Variants in RMST observed in about 807,000 individuals in gnomAD.
RMST encodes rhabdomyosarcoma 2 associated transcript, also known as long intergenic non-protein coding RNA 54.
intron 11 of RMST, among the ~76,000 whole-genome samples, chr12:97,535,623 G>A (rs903144353): frequency 4.0e-5 from 6 of 151,600 alleles, no homozygotes; most frequent in Non-Finnish European, 5.9e-5. Context: ...AGCTGGTGAA[G>A]CCTTTCCTTC....
intron 5 of RMST, among the ~76,000 whole-genome samples, chr12:97,474,600 A>C (rs1874310298): frequency 6.8e-6 from 1 of 146,992 alleles, no homozygotes; most frequent in Non-Finnish European, 1.5e-5. Flanking sequence ...ATTAAGACAC[A>C]CACAATTTGA....
chr12:97,563,352 A>G, intron 13 of RMST: 1 of 195,156 alleles, frequency 5.1e-6, no homozygotes. Context: ...AACAGGTACT[A>G]AGATCCCGAC....
At chr12:97,519,385 A>G (rs896037350) in intron 10 of RMST, among the ~76,000 whole-genome samples, 1 of 152,194 alleles carries the variant, frequency 6.6e-6, no homozygotes, top group African/African-American at 2.4e-5. Flanking sequence ...TTTCATTGCT[A>G]TCTCTTCAAA....
At chr12:97,518,657 A>G (rs779996937) in intron 10 of RMST, among the ~76,000 whole-genome samples, 25 of 152,088 alleles carry the variant, frequency 1.6e-4, no homozygotes, top group Admixed American at 5.2e-4. Flanking sequence ...TTCCCTCTCA[A>G]GTTCTCTCAG....
chr12:97,512,913 G>T (rs4554941), intron 10 of RMST, among the ~76,000 whole-genome samples: 19,680 of 152,246 alleles, frequency 0.13, 2,100 homozygotes, highest in African/African-American at 0.27. Flanking sequence ...GCAGGCTGCA[G>T]GTCGGGAGCC....
intron 5 of RMST, among the ~76,000 whole-genome samples, chr12:97,482,753 A>ATTT (rs1875550030): frequency 2.4e-5 from 1 of 41,196 alleles, no homozygotes; most frequent in Non-Finnish European, 7.0e-5. Context: ...TTTATTTATT[A>ATTT]AATAAATTTA....
At chr12:97,497,277 T>C (rs1877533088) in intron 10 of RMST, among the ~76,000 whole-genome samples, 1 of 152,212 alleles carries the variant, frequency 6.6e-6, no homozygotes, top group African/African-American at 2.4e-5. Context: ...TAGAATCTTT[T>C]CAAGGGCTTG....
At position 97,540,215 on chromosome 12, in the gene RMST, G is replaced by C. The variant is rs1313030206; in HGVS notation, n.1545+9356G>C. Among the ~76,000 whole-genome samples, 6 of 151,736 alleles carry C rather than the reference G, an allele frequency of 4.0e-5. No homozygotes were observed. In the East Asian group the frequency reaches 7.8e-4, roughly 20 times the overall value. ...GTTGTAGTGGTGTGCACACAGTAGGGACACTTGAAGTCTAAGAGAGTGAAC... is the reference window on the plus strand; with the variant it reads ...GTTGTAGTGGTGTGCACACAGTAGGCACACTTGAAGTCTAAGAGAGTGAAC... On this transcript the variant is annotated intron_variant and non_coding_transcript_variant, in intron 11 of 13. Transcript: ENST00000640149.
At chr12:97,496,879 A>G (rs192116396) in intron 10 of RMST, among the ~76,000 whole-genome samples, 1 of 152,336 alleles carries the variant, frequency 6.6e-6, no homozygotes, top group African/African-American at 2.4e-5. Context: ...TCACTCTGTA[A>G]GAGTCATCTT....
chr12:97,533,016 A>C (rs1416585902), intron 11 of RMST: 1 of 151,834 alleles, frequency 6.6e-6, no homozygotes, highest in Non-Finnish European at 1.5e-5. Context: ...TCCTATTTTA[A>C]TTTTCATTTT....
intron 5 of RMST, among the ~76,000 whole-genome samples, chr12:97,478,255 C>G (rs1346253610): frequency 6.6e-6 from 1 of 152,150 alleles, no homozygotes; most frequent in Admixed American, 6.5e-5. Context: ...AAGATGTACA[C>G]CATAATTTTA....
intron 11 of RMST, among the ~76,000 whole-genome samples, chr12:97,539,079 T>C (rs1287794319): frequency 6.6e-6 from 1 of 151,560 alleles, no homozygotes; most frequent in Admixed American, 6.6e-5. Flanking sequence ...ATTTGCTGTC[T>C]AATCAATGAA....
At chr12:97,516,715 T>C (rs1879974569) in intron 10 of RMST, among the ~76,000 whole-genome samples, 1 of 151,900 alleles carries the variant, frequency 6.6e-6, no homozygotes, top group Non-Finnish European at 1.5e-5. Flanking sequence ...CTTTTCTGAC[T>C]CAAAAGATTT....
intron 11 of RMST, among the ~76,000 whole-genome samples, chr12:97,541,615 G>C (rs1882529309): frequency 6.6e-6 from 1 of 151,106 alleles, no homozygotes; most frequent in South Asian, 2.1e-4. Flanking sequence ...AGAAAAGCTG[G>C]AACCAGGAAC....
At chr12:97,545,487 C>A (rs565979054) in intron 11 of RMST, among the ~76,000 whole-genome samples, 1 of 151,992 alleles carries the variant, frequency 6.6e-6, no homozygotes, top group African/African-American at 2.4e-5. Context: ...ATGTCCCACC[C>A]TCAGAGAACA....
At chr12:97,513,182 T>C (rs939900478) in intron 10 of RMST, among the ~76,000 whole-genome samples, 6 of 151,960 alleles carry the variant, frequency 3.9e-5, no homozygotes, top group African/African-American at 1.4e-4. Context: ...AGAAAGGGGC[T>C]CCCACAGTGC....
intron 10 of RMST, among the ~76,000 whole-genome samples, chr12:97,519,194 C>A (rs1262165353): frequency 2.0e-5 from 3 of 152,222 alleles, no homozygotes; most frequent in African/African-American, 7.2e-5. Context: ...ACTTACAGCT[C>A]ATGTATAATT....
intron 11 of RMST, among the ~76,000 whole-genome samples, chr12:97,550,117 T>C (rs1161564029): frequency 6.6e-6 from 1 of 152,170 alleles, no homozygotes; most frequent in Non-Finnish European, 1.5e-5. Context: ...AATATTGTAT[T>C]GACAGCCGTT....
At chr12:97,564,774 A>G (rs1884409230) in exon 14 of RMST, 2 of 152,074 alleles carry the variant, frequency 1.3e-5, no homozygotes, top group East Asian at 3.9e-4. Context: ...TCTAAGCAGC[A>G]CCTTTGAGAA....
Sources: gnomAD v4.1 joint callset for allele counts (sites outside exome capture counted in the v4.1 genomes callset) on GRCh38, gnomAD v4.1.1 for gene constraint, MANE v1.5 for transcripts, NCBI Gene and HGNC (gene_info 2026-07-23, HGNC 2026-07-21) for gene names.